The following FBXO4 variants were observed in gnomAD, a reference collection of about 807,000 sequenced individuals.
FBXO4 encodes the protein F-box protein 4.
A neutral mutation model predicts 43.7 loss-of-function variants in FBXO4; 36 were observed. That is an observed-to-expected ratio of 0.82 (90% CI 0.63 to 1.09). FBXO4 has a LOEUF of 1.09. FBXO4 is among the 50% of genes least tolerant of loss of function. FBXO4 has a pLI of 0.00. For synonymous variants in FBXO4, 180 were observed against 165.6 expected, an observed-to-expected ratio of 1.09 and a Z score of -0.67; for missense variants, 435 against 474.1, an observed-to-expected ratio of 0.92 and a Z score of 0.77.
At chr5:42,011,725 T>C in the FBXO4 span, among the ~76,000 whole-genome samples, 171 of 152,328 alleles carry the variant, frequency 1.1e-3, 1 homozygote, top group Non-Finnish European at 1.9e-3. Flanking sequence ...CATAATTTCA[T>C]ACCTTGTTGA....
At chr5:41,998,015 C>T in the FBXO4 span, among the ~76,000 whole-genome samples, 1 of 152,152 alleles carries the variant, frequency 6.6e-6, no homozygotes, top group African/African-American at 2.4e-5. Flanking sequence ...CCTGCTTATA[C>T]AACTTAGGTA....
chr5:41,951,924 A>T, the FBXO4 span: 1 of 285,450 alleles, frequency 3.5e-6, no homozygotes, highest in African/African-American at 2.3e-5. Context: ...GGCAGCAGTA[A>T]ACTTCAGCAC....
chr5:41,932,732 G>A (rs553304562), intron 3 of FBXO4, among the ~76,000 whole-genome samples: 5 of 152,282 alleles, frequency 3.3e-5, no homozygotes, highest in East Asian at 1.9e-4. Flanking sequence ...GCAGAGGCCC[G>A]GGTGAGTGAT....
chr5:42,021,898 A>G, the FBXO4 span, among the ~76,000 whole-genome samples: 2,435 of 152,230 alleles, frequency 0.016, 123 homozygotes, highest in East Asian at 0.1. Context: ...GCTTTAGTAT[A>G]TTTACTTCAC....
At chr5:41,961,572 A>G in the FBXO4 span, among the ~76,000 whole-genome samples, 2 of 152,208 alleles carry the variant, frequency 1.3e-5, no homozygotes, top group Non-Finnish European at 2.9e-5. Context: ...AGAGTTAAGC[A>G]TGGGAGCACA....
the FBXO4 span, among the ~76,000 whole-genome samples, chr5:42,027,327 TA>T: frequency 0.37 from 56,420 of 151,334 alleles, 12,685 homozygotes; most frequent in African/African-American, 0.64. Flanking sequence ...CCCAATTAAC[TA>T]TGAGCATACA....
At chr5:41,968,030 G>A in the FBXO4 span, 2 of 404,308 alleles carry the variant, frequency 4.9e-6, no homozygotes, top group East Asian at 6.2e-5. Context: ...ACCTCCTGCC[G>A]CACTTCCTGC....
the FBXO4 span, chr5:41,951,556 C>A: frequency 4.0e-6 from 1 of 252,078 alleles, no homozygotes; most frequent in Non-Finnish European, 7.6e-6. Flanking sequence ...CAGCAGCAAC[C>A]TGCTCTTTCT....
the FBXO4 span, among the ~76,000 whole-genome samples, chr5:42,036,456 T>C: frequency 6.6e-6 from 1 of 152,186 alleles, no homozygotes; most frequent in Non-Finnish European, 1.5e-5. Context: ...CAAAAATGTT[T>C]ACTCTATGGC....
At chr5:42,028,060 G>A in the FBXO4 span, among the ~76,000 whole-genome samples, 1 of 151,866 alleles carries the variant, frequency 6.6e-6, no homozygotes, top group Admixed American at 6.6e-5. Flanking sequence ...GGTATACAGA[G>A]CACATTGAGT....
At chr5:42,002,677 C>T in the FBXO4 span, among the ~76,000 whole-genome samples, 1 of 152,296 alleles carries the variant, frequency 6.6e-6, no homozygotes, top group East Asian at 1.9e-4. Flanking sequence ...TGTCATCTAT[C>T]TATACCATCT....
chr5:41,990,999 G>T, the FBXO4 span, among the ~76,000 whole-genome samples: 1 of 152,122 alleles, frequency 6.6e-6, no homozygotes, highest in African/African-American at 2.4e-5. Context: ...AAGGACAAAA[G>T]CCAAAGTCTA....
chr5:41,979,395 G>A, the FBXO4 span, among the ~76,000 whole-genome samples: 1 of 152,142 alleles, frequency 6.6e-6, no homozygotes, highest in Non-Finnish European at 1.5e-5. Flanking sequence ...AAGTAGTACA[G>A]CTATAGTGCA....
chr5:41,942,431 A>T (rs1418748289), downstream of FBXO4, among the ~76,000 whole-genome samples: 3 of 152,162 alleles, frequency 2.0e-5, no homozygotes, highest in Middle Eastern at 3.4e-3. Context: ...ATCTTTTTTT[A>T]AAATGGCATT....
At chr5:41,926,657 G>A (rs879718725) in intron 1 of FBXO4, among the ~76,000 whole-genome samples, 18 of 152,192 alleles carry the variant, frequency 1.2e-4, no homozygotes, top group Admixed American at 2.6e-4. Context: ...TATTTTGAAG[G>A]ACAAATTATT....
the FBXO4 span, among the ~76,000 whole-genome samples, chr5:41,963,445 C>T: frequency 1.3e-5 from 2 of 152,150 alleles, no homozygotes; most frequent in African/African-American, 2.4e-5. Context: ...TCTTGAACAA[C>T]GTGAGGGTTA....
chr5:41,953,172 G>C, the FBXO4 span, among the ~76,000 whole-genome samples: 4 of 146,320 alleles, frequency 2.7e-5, no homozygotes, highest in African/African-American at 5.1e-5. Context: ...ACAGTCCCCA[G>C]AGTGTGATAT....
the FBXO4 span, among the ~76,000 whole-genome samples, chr5:42,028,640 G>GC: frequency 3.3e-5 from 5 of 151,372 alleles, no homozygotes; most frequent in African/African-American, 1.2e-4. Flanking sequence ...TAGTGAGCAT[G>GC]TTTTTCTCTG....
At chr5:41,999,472 T>TATAC in the FBXO4 span, among the ~76,000 whole-genome samples, 68 of 27,554 alleles carry the variant, frequency 2.5e-3, 1 homozygote, top group African/African-American at 5.1e-3. Flanking sequence ...TGTGTATATA[T>TATAC]ATATACACAT....
Sources: gnomAD v4.1 joint callset for allele counts (sites outside exome capture counted in the v4.1 genomes callset) on GRCh38, gnomAD v4.1.1 for gene constraint, MANE v1.5 for transcripts, NCBI Gene and HGNC (gene_info 2026-07-23, HGNC 2026-07-21) for gene names.